The following ADCY8 variants were observed in gnomAD, a reference collection of about 807,000 sequenced individuals.
ADCY8 encodes the protein adenylate cyclase 8.
ADCY8 carries 51 observed loss-of-function variants against 119.7 expected under a neutral mutation model. The ratio of observed to expected loss-of-function variants is 0.43; its 90% CI spans 0.34 to 0.54. ADCY8 has a LOEUF of 0.54. ADCY8 is among the 20% of genes least tolerant of loss of function. The pLI, the probability that ADCY8 is intolerant of heterozygous loss-of-function variation, is 0.03. For missense variants in ADCY8, 1,383 were observed against 1,598.8 expected (o/e 0.87, Z 2.30); for synonymous variants, 665 against 651.0 (o/e 1.02, Z -0.33).
chr8:130,853,586 T>C (rs1161237778), intron 9 of ADCY8, among the ~76,000 whole-genome samples: 1 of 129,254 alleles, frequency 7.7e-6, no homozygotes, highest in Non-Finnish European at 1.8e-5. Flanking sequence ...TGTTTTTTTT[T>C]TTTTTTTTTC....
chr8:130,781,345 G>T (rs1014963552), intron 17 of ADCY8, among the ~76,000 whole-genome samples: 1 of 152,074 alleles, frequency 6.6e-6, no homozygotes, highest in African/African-American at 2.4e-5. Context: ...TCATTCCCTT[G>T]GTCCATGGCG....
chr8:130,785,593 G>C, intron 15 of ADCY8, 118 bp from the exon 16 acceptor site: 1 of 586,206 alleles, frequency 1.7e-6, no homozygotes, highest in Non-Finnish European at 2.9e-6. Context: ...ATATCCTCTA[G>C]TTATCTGCTT....
chr8:130,859,452 T>C (rs1417429701), intron 9 of ADCY8, among the ~76,000 whole-genome samples: 1 of 152,228 alleles, frequency 6.6e-6, no homozygotes, highest in African/African-American at 2.4e-5. Flanking sequence ...GGGAAATTCC[T>C]ATATCAACTA....
At chr8:130,913,595 A>T (rs1195189533) in intron 5 of ADCY8, among the ~76,000 whole-genome samples, 1 of 152,156 alleles carries the variant, frequency 6.6e-6, no homozygotes, top group Non-Finnish European at 1.5e-5. Context: ...GGAGCTCCTG[A>T]TGAAGCCTTC....
chr8:131,019,207 G>C (rs916763326), intron 1 of ADCY8, among the ~76,000 whole-genome samples: 1 of 152,106 alleles, frequency 6.6e-6, no homozygotes, highest in African/African-American at 2.4e-5. Context: ...ACTATATCAG[G>C]TCAACAACAA....
intron 8 of ADCY8, among the ~76,000 whole-genome samples, chr8:130,882,060 C>T (rs1002851768): frequency 2.0e-5 from 3 of 151,360 alleles, no homozygotes. Flanking sequence ...GGTGTAAGCC[C>T]AGTTTATTAG....
intron 1 of ADCY8, among the ~76,000 whole-genome samples, chr8:131,029,589 A>G (rs1258969798): frequency 1.3e-5 from 2 of 152,198 alleles, no homozygotes; most frequent in Non-Finnish European, 2.9e-5. Context: ...AGTGTTTGAT[A>G]ATCGACAAAT....
chr8:130,888,629 A>G (rs1819075432), intron 7 of ADCY8, among the ~76,000 whole-genome samples: 1 of 152,108 alleles, frequency 6.6e-6, no homozygotes, highest in Non-Finnish European at 1.5e-5. Context: ...GTTCCTTCTG[A>G]ACTGAGTCTC....
intron 2 of ADCY8, among the ~76,000 whole-genome samples, chr8:130,963,152 A>G (rs1389274688): frequency 6.8e-6 from 1 of 146,266 alleles, no homozygotes; most frequent in African/African-American, 2.5e-5. Flanking sequence ...ATCATAGTTC[A>G]CCCATTTAAT....
intron 15 of ADCY8, among the ~76,000 whole-genome samples, chr8:130,798,263 T>A (rs1434395442): frequency 6.6e-6 from 1 of 152,012 alleles, no homozygotes; most frequent in African/African-American, 2.4e-5. Flanking sequence ...GAGTATGAGT[T>A]TTTCATTAAA....
intron 8 of ADCY8, among the ~76,000 whole-genome samples, chr8:130,876,720 C>G (rs148104550): frequency 2.0e-5 from 3 of 151,130 alleles, no homozygotes; most frequent in Admixed American, 2.0e-4. Context: ...TGTAGGGGGG[C>G]AGGGGGGAAT....
chr8:130,840,626 A>G (rs926446609), intron 11 of ADCY8, among the ~76,000 whole-genome samples: 4 of 152,154 alleles, frequency 2.6e-5, no homozygotes, highest in African/African-American at 9.7e-5. Context: ...CAGACATGAC[A>G]TGGCTTTTGA....
chr8:130,911,248 T>C (rs1012265127), intron 5 of ADCY8, among the ~76,000 whole-genome samples: 4 of 152,218 alleles, frequency 2.6e-5, no homozygotes, highest in African/African-American at 4.8e-5. Context: ...GTTTCCATCT[T>C]TTTAAGAATT....
intron 16 of ADCY8, 54 bp downstream of exon 16, chr8:130,785,329 T>G (rs1815216816): frequency 3.8e-6 from 5 of 1,307,426 alleles, no homozygotes; most frequent in Non-Finnish European, 5.3e-6. Context: ...GTCGGTGACA[T>G]GACAACAGCA....
Position 130,937,056 on chromosome 8 carries a change from T to C in ADCY8, c.1481+17A>G, listed in dbSNP as rs73346494. 1.2e-3 allele frequency: 1,923 copies of C among 1,603,284 alleles called. 23 individuals carry two copies. The African/African-American group carries it at 0.022, about 18-fold the overall frequency. ...CACATTGAAGACCCAGGTAACATGA[T>C]GGGGATCACAAATTACCTGATGGTT... On this transcript the variant is annotated intron_variant, in intron 5 of 17. Coordinates refer to ENST00000286355, the MANE Select transcript of ADCY8 (RefSeq NM_001115.3).
chr8:130,971,906 C>T (rs1821934154), intron 2 of ADCY8, among the ~76,000 whole-genome samples: 1 of 152,220 alleles, frequency 6.6e-6, no homozygotes, highest in African/African-American at 2.4e-5. Context: ...TGGGGAATAT[C>T]AACTTCATCT....
intron 14 of ADCY8, among the ~76,000 whole-genome samples, chr8:130,802,521 C>A (rs747200581): frequency 2.6e-5 from 4 of 152,178 alleles, no homozygotes; most frequent in African/African-American, 4.8e-5. Context: ...TAAATCCCTC[C>A]AATGGCTCAC....
intron 9 of ADCY8, among the ~76,000 whole-genome samples, chr8:130,857,242 T>TA (rs145480241): frequency 8.7e-5 from 13 of 148,808 alleles, no homozygotes; most frequent in African/African-American, 2.7e-4. Context: ...AAAGTAATAA[T>TA]AAAATAAAAA....
rs760614026 is a variant in ADCY8, at chr8:130,783,790, A to C, written c.3169T>G (p.Trp1057Gly). Reference sequence around the variant, plus strand: ...TCAGCCAGAGCACACAAATGTCCCCACTTGTCTTCACATTGCTGAAGCAAA... The same window carrying C: ...TCAGCCAGAGCACACAAATGTCCCCCCTTGTCTTCACATTGCTGAAGCAAA... ...SPEKQQCEDK[W>G]GHLCALADFS... The change falls in exon 17 of 18, where the codon TGG (tryptophan) becomes GGG (glycine). Residue 1057 changes from tryptophan (W) to glycine (G), a missense_variant. Trp to Gly is a radical substitution (Grantham distance 184). This residue lies in a region of ADCY8 where 928 missense variants were observed against 1,163.5 expected (regional missense o/e 0.80). Transcript: ENST00000286355. The C allele has an allele frequency of 6.2e-7, 1 of 1,613,200 alleles. No homozygotes were observed. The highest frequency in any genetic ancestry group is 1.1e-5 in the South Asian group (1 of 90,908).
Sources: gnomAD v4.1 joint callset for allele counts (sites outside exome capture counted in the v4.1 genomes callset) on GRCh38, gnomAD v4.1.1 for gene constraint, gnomAD v4.1.1 regional missense constraint, MANE v1.5 for transcripts, NCBI Gene and HGNC (gene_info 2026-07-23, HGNC 2026-07-21) for gene names.